Variants in DHRSX observed in about 807,000 individuals in gnomAD.
DHRSX encodes dehydrogenase/reductase X-linked.
In DHRSX, 31 loss-of-function variants were observed where a neutral mutation model predicts 34.0. The observed-to-expected ratio is 0.91, with a 90% CI of 0.69 to 1.23. DHRSX has a LOEUF of 1.23. Ranked by LOEUF, DHRSX falls within the 50% of genes most tolerant of loss-of-function variation. The pLI is 0.00. For missense variants in DHRSX, 414 were observed against 428.1 expected (o/e 0.97, Z 0.29); for synonymous variants, 201 against 183.8 (o/e 1.09, Z -0.76).
At chrX:2,254,693 G>A (rs762650467) in intron 5 of DHRSX, among the ~76,000 whole-genome samples, 3 of 152,210 alleles carry the variant, frequency 2.0e-5, no homozygotes, top group Admixed American at 1.3e-4. Flanking sequence ...TGTTGCTAGG[G>A]TGGAGTGCAG....
At chrX:2,451,450 C>T (rs937757565) in intron 1 of DHRSX, among the ~76,000 whole-genome samples, 3 of 152,154 alleles carry the variant, frequency 2.0e-5, no homozygotes, top group Admixed American at 6.5e-5. Context: ...AGGTTCTGAA[C>T]CTCTGATCTG....
At chrX:2,314,498 A>AGGTAAGGGAGGGAG (rs1569487350) in intron 3 of DHRSX, among the ~76,000 whole-genome samples, 1 of 91,804 alleles carries the variant, frequency 1.1e-5, no homozygotes, top group Non-Finnish European at 2.3e-5. Flanking sequence ...AGGGAGGTAA[A>AGGTAAGGGAGGGAG]GGAGGTAAGG....
At chrX:2,490,153 G>T in intron 1 of DHRSX, 1 of 1,613,924 alleles carries the variant, frequency 6.2e-7, no homozygotes, top group East Asian at 2.2e-5. Context: ...AGGTGGCCTC[G>T]GCCAGCTCCT....
intron 3 of DHRSX, among the ~76,000 whole-genome samples, chrX:2,340,544 C>T (rs2042628306): frequency 6.6e-6 from 1 of 151,950 alleles, no homozygotes; most frequent in East Asian, 1.9e-4. Flanking sequence ...AAGGTACATA[C>T]ACACGTTCAC....
At chrX:2,466,052 G>A (rs1029508130) in intron 1 of DHRSX, among the ~76,000 whole-genome samples, 2 of 152,204 alleles carry the variant, frequency 1.3e-5, no homozygotes, top group East Asian at 1.9e-4. Context: ...TGAACACGAC[G>A]CCTGTTACAT....
chrX:2,379,595 G>GT lies in DHRSX; in HGVS notation c.286+29149dup, dbSNP rs749144665. ...AGCGACCTGTGGGCTGGCAGTGGAG[G>GT]TTTTTTTTTTTTTTTTTTTTTTTTA... On this transcript the variant is annotated intron_variant, in intron 3 of 6. Coordinates refer to ENST00000334651, the MANE Select transcript of DHRSX (RefSeq NM_145177.3). Among the ~76,000 whole-genome samples, 988 of 103,896 alleles carry GT rather than the reference G, an allele frequency of 9.5e-3. 24 individuals are homozygous for GT. The highest frequency in any genetic ancestry group is 0.028 in the African/African-American group (802 of 28,262). 68.2% of individuals were successfully genotyped at this position (103,896 alleles called of 152,430 possible).
intron 5 of DHRSX, among the ~76,000 whole-genome samples, chrX:2,248,432 C>CAAAAAA (rs574631590): frequency 0.39 from 43,209 of 109,704 alleles, 9,978 homozygotes; most frequent in Non-Finnish European, 0.54. Context: ...GACTCTGTCT[C>CAAAAAA]AAAAAAAAAA....
At chrX:2,479,836 A>G (rs1485849127) in intron 1 of DHRSX, among the ~76,000 whole-genome samples, 3 of 150,756 alleles carry the variant, frequency 2.0e-5, no homozygotes, top group African/African-American at 7.3e-5. Flanking sequence ...CACTGAAGAC[A>G]TTCCCTAAGA....
intron 6 of DHRSX, among the ~76,000 whole-genome samples, chrX:2,238,677 A>G (rs67659131): frequency 0.19 from 28,607 of 149,734 alleles, 3,029 homozygotes; most frequent in Admixed American, 0.22. Flanking sequence ...TCCGCCTCCC[A>G]GGTTCAAGCG....
At position 2,454,653 on chromosome X, in the gene DHRSX, A is replaced by G. The variant is rs1441493562; in HGVS notation, c.110-29349T>C. 4.6e-5 allele frequency among the ~76,000 whole-genome samples: 7 copies of G among 152,276 alleles called. No individual in the cohort carries two copies. The East Asian group carries it at 1.2e-3, about 25-fold the overall frequency. Reference sequence around the variant, plus strand: ...CCAATCAAATCTACTAGGAAATTGCAATTGGAATGACTCCACGGTTTCCCA... The same window carrying G: ...CCAATCAAATCTACTAGGAAATTGCGATTGGAATGACTCCACGGTTTCCCA... On this transcript the variant is annotated intron_variant, in intron 1 of 6. Coordinates refer to ENST00000334651, the MANE Select transcript of DHRSX (RefSeq NM_145177.3).
At chrX:2,454,527 CAA>C (rs10641325) in intron 1 of DHRSX, among the ~76,000 whole-genome samples, 2 of 137,778 alleles carry the variant, frequency 1.5e-5, no homozygotes, top group African/African-American at 2.6e-5. Context: ...AACTCCGTCT[CAA>C]AAAAAAAAAA....
chrX:2,387,591 GATGAC>G (rs1229091763), intron 3 of DHRSX, among the ~76,000 whole-genome samples: 1 of 152,038 alleles, frequency 6.6e-6, no homozygotes, highest in African/African-American at 2.4e-5. Flanking sequence ...CTGGCCTGCT[GATGAC>G]ATGGTGGCCA....
chrX:2,417,809 T>G (rs2043715705), intron 2 of DHRSX, among the ~76,000 whole-genome samples: 1 of 152,108 alleles, frequency 6.6e-6, no homozygotes, highest in Admixed American at 6.5e-5. Context: ...CATCCTAATC[T>G]AATCCAACAA....
intron 4 of DHRSX, among the ~76,000 whole-genome samples, chrX:2,283,769 T>G (rs2041763845): frequency 6.6e-6 from 1 of 152,278 alleles, no homozygotes; most frequent in African/African-American, 2.4e-5. Flanking sequence ...TTCCATTCAT[T>G]CATTTGCATC....
At chrX:2,454,732 T>C (rs1234449773) in intron 1 of DHRSX, among the ~76,000 whole-genome samples, 2 of 152,088 alleles carry the variant, frequency 1.3e-5, no homozygotes, top group African/African-American at 2.4e-5. Context: ...TGCAAATCAT[T>C]TCATCCATAC....
intron 3 of DHRSX, among the ~76,000 whole-genome samples, chrX:2,401,094 T>A (rs1486613716): frequency 6.9e-6 from 1 of 145,202 alleles, no homozygotes; most frequent in African/African-American, 2.5e-5. Context: ...ACTGGAAGAA[T>A]AATATTTGGG....
At chrX:2,500,757 C>T in intron 1 of DHRSX, 60 bp downstream of exon 1, 2 of 876,038 alleles carry the variant, frequency 2.3e-6, no homozygotes, top group Non-Finnish European at 2.8e-6. Context: ...CCCCCGCCCC[C>T]GAGCCAGCCC....
chrX:2,336,026 CGTT>C (rs1223085901), intron 3 of DHRSX, among the ~76,000 whole-genome samples: 1 of 151,596 alleles, frequency 6.6e-6, no homozygotes, highest in African/African-American at 2.4e-5. Context: ...TTTTTGTTGT[CGTT>C]GAGACAGAGT....
intron 2 of DHRSX, among the ~76,000 whole-genome samples, chrX:2,412,617 T>C (rs2043646072): frequency 6.7e-6 from 1 of 148,710 alleles, no homozygotes; most frequent in Non-Finnish European, 1.5e-5. Context: ...CAGCCCCTTA[T>C]AGAGATATCT....
Sources: allele counts gnomAD v4.1 joint callset (sites outside exome capture counted in the v4.1 genomes callset), GRCh38; gene constraint gnomAD v4.1.1; transcripts MANE v1.5; gene names NCBI Gene and HGNC (gene_info 2026-07-23, HGNC 2026-07-21).